The following WIZ variants were observed in gnomAD, a reference collection of about 807,000 sequenced individuals.
The protein encoded by WIZ is protein Wiz.
WIZ carries 25 observed loss-of-function variants against 140.2 expected under a neutral mutation model. That is an observed-to-expected ratio of 0.18 (90% CI 0.13 to 0.25). The LOEUF (loss-of-function observed/expected upper bound fraction) is 0.25, where lower values mean the gene tolerates loss of function less well. WIZ is among the 10% of genes least tolerant of loss of function. The pLI is 1.00. For synonymous variants in WIZ, 1,125 were observed against 1,154.3 expected (o/e 0.97, Z 0.51); for missense variants, 2,231 against 2,632.6 (o/e 0.85, Z 3.34).
At chr19:15,431,893 G>A (rs1326472550) in intron 5 of WIZ, among the ~76,000 whole-genome samples, 2 of 152,246 alleles carry the variant, frequency 1.3e-5, no homozygotes, top group African/African-American at 4.8e-5. Context: ...TTCACGTCTA[G>A]TTGTTCAAAG....
Position 15,430,896 on chromosome 19 carries a change from C to G in WIZ, c.2911+116G>C, listed in dbSNP as rs532734874. The G allele has an allele frequency of 7.6e-6, 10 of 1,322,676 alleles. No homozygotes were observed. The African/African-American group carries it at 1.5e-4, about 20-fold the overall frequency. The allele number at this position is 1,322,676 out of a possible 1,614,324, so 81.9% of individuals were successfully genotyped here. Reference sequence around the variant, plus strand: ...TGCCAACCTTGGTGCCTCAAGGTGCCAGAGGGAAAACTGCGGGCAACCTTG... The same window carrying G: ...TGCCAACCTTGGTGCCTCAAGGTGCGAGAGGGAAAACTGCGGGCAACCTTG... On this transcript the variant is annotated intron_variant, in intron 6 of 12. Transcript: ENST00000673675.
intron 9 of WIZ, among the ~76,000 whole-genome samples, chr19:15,426,616 G>T (rs527401836): frequency 6.6e-6 from 1 of 152,322 alleles, no homozygotes; most frequent in African/African-American, 2.4e-5. Context: ...GAAAGACACA[G>T]TTCAGACGTT....
In WIZ at chr19:15,440,852, A is replaced by G; in HGVS notation, c.279-137T>C. On this transcript the variant is annotated intron_variant, in intron 3 of 12. Transcript: ENST00000673675. The surrounding 1 kb of genome is among the most constrained non-coding windows in gnomAD (Gnocchi z 6.2). Reference sequence around the variant, plus strand: ...CGAGGGTGACAGGGGTGTGGGGGTGAGGGTGGGAGGTAGGGGGAGTCCACG... The same window carrying G: ...CGAGGGTGACAGGGGTGTGGGGGTGGGGGTGGGAGGTAGGGGGAGTCCACG... The G allele has an allele frequency of 4.7e-6, 2 of 424,424 alleles. No homozygotes were observed. The highest frequency in any genetic ancestry group is 8.3e-6 in the Non-Finnish European group (2 of 241,196). The allele number at this position is 424,424 out of a possible 1,614,324, so 26.3% of individuals were successfully genotyped here. A position where few individuals can be genotyped will look rare whatever the true frequency, so the allele number is the denominator to read the frequency against.
At chr19:15,429,484 G>GCCCCCCCC in intron 7 of WIZ, 102 bp downstream of exon 7, 8 of 319,046 alleles carry the variant, frequency 2.5e-5, no homozygotes, top group East Asian at 1.3e-4. Context: ...AGTCCCCACC[G>GCCCCCCCC]CCCCCACCCA....
chr19:15,449,320 C>T (rs1437187548), intron 1 of WIZ: 1 of 152,206 alleles, frequency 6.6e-6, no homozygotes, highest in Non-Finnish European at 1.5e-5. Flanking sequence ...CCAGGGGGCT[C>T]CTCCGTGGGC....
chr19:15,428,297 C>T lies in WIZ; in HGVS notation c.3627G>A (p.Leu1209=). The T allele has an allele frequency of 6.5e-7, 1 of 1,531,622 alleles. No individual in the cohort carries two copies. Among genetic ancestry groups the T allele is most frequent in the Non-Finnish European group, 8.7e-7 (1 of 1,145,112 alleles). 94.9% of individuals were successfully genotyped at this position (1,531,622 alleles called of 1,614,324 possible). A position where few individuals can be genotyped will look rare whatever the true frequency, so the allele number is the denominator to read the frequency against. Reference sequence around the variant, plus strand: ...TGGGAGGCGGCCGCCCCGGGTGGGCCAGGGCGCCGCGCCTGGGTGGGAGGC... The same window carrying T: ...TGGGAGGCGGCCGCCCCGGGTGGGCTAGGGCGCCGCGCCTGGGTGGGAGGC... ...QIRLPPRRGA[L]AHPGRPPPTS... is the part of the protein sequence containing the mutation. The change falls in exon 8 of 13, where the codon CTG becomes CTA. Residue 1209 remains leucine (L), a synonymous_variant. Transcript: ENST00000673675. The surrounding 1 kb of genome is among the most constrained non-coding windows in gnomAD (Gnocchi z 6.4).
chr19:15,426,163 C>T (rs1237097298), intron 9 of WIZ, among the ~76,000 whole-genome samples: 8 of 151,884 alleles, frequency 5.3e-5, no homozygotes, highest in South Asian at 2.1e-4. Context: ...CTGTTTCCTC[C>T]GCTGCAAAAT....
At chr19:15,426,515 C>A (rs1365424390) in intron 9 of WIZ, among the ~76,000 whole-genome samples, 2 of 152,156 alleles carry the variant, frequency 1.3e-5, no homozygotes, top group Non-Finnish European at 2.9e-5. Context: ...GGAAACTTGC[C>A]CAAGGTCACA....
chr19:15,435,986 G>A (rs1734266828), intron 5 of WIZ, among the ~76,000 whole-genome samples: 1 of 152,096 alleles, frequency 6.6e-6, no homozygotes, highest in African/African-American at 2.4e-5. Flanking sequence ...AGCTGGGCGT[G>A]GTGATGAGCG....
Position 15,424,851 on chromosome 19 carries a change from G to A in WIZ, c.5076C>T (p.Ser1692=). ...HRPQKVGAYR[S]YIQGGRPFTK... ...TGAAGGGGCGGCCGCCCTGGATGTA[G>A]CTGCGGTAGGCGCCCACCTTCTGGG... is the stretch of plus-strand genomic sequence containing the variant. Residue 1692 remains serine, a synonymous_variant, in exon 11 of 13, where the codon AGC becomes AGT. Coordinates refer to ENST00000673675, the MANE Select transcript of WIZ (RefSeq NM_001371589.1). This position sits in a 1 kb window ranked among gnomAD's most constrained non-coding sequence, Gnocchi z 9.7. The A allele has an allele frequency of 1.2e-6, 2 of 1,610,950 alleles. No individual in the cohort carries two copies. Among genetic ancestry groups the A allele is most frequent in the Non-Finnish European group, 8.5e-7 (1 of 1,179,362 alleles).
Position 15,424,435 on chromosome 19 carries a change from G to A in WIZ, c.5315-57C>T, listed in dbSNP as rs1216683550. The A allele has an allele frequency of 3.8e-6, 6 of 1,574,220 alleles. No individual in the cohort carries two copies. The highest frequency in any genetic ancestry group is 5.2e-6 in the Non-Finnish European group (6 of 1,162,726). On this transcript the variant is annotated intron_variant, in intron 11 of 12. Transcript: ENST00000673675. This position sits in a 1 kb window ranked among gnomAD's most constrained non-coding sequence, Gnocchi z 9.7. ...GGAGGGGTGGATGCTGCAGAGACTT[G>A]GAATACACAAGAGCTGAGGACTGAT...
At position 15,425,479 on chromosome 19, in the gene WIZ, C is replaced by T. The variant is rs745621092; in HGVS notation, c.4656G>A (p.Ser1552=). 1.2e-6 allele frequency: 2 copies of T among 1,603,390 alleles called. No homozygotes were observed. The highest frequency in any genetic ancestry group is 1.1e-5 in the South Asian group (1 of 90,102). The change falls in exon 10 of 13, where the codon TCG becomes TCA. Residue 1552 remains serine (S), a synonymous_variant. Coordinates refer to ENST00000673675, the MANE Select transcript of WIZ (RefSeq NM_001371589.1). ...PGPVQSPLPL[S]PLAGRPGKPG... is the part of the protein sequence containing the mutation. ...GTTTGCCTGGCCGGCCAGCCAGGGG[C>T]GACAGCGGCAGTGGGGACTGCACGG...
chr19:15,449,076 T>C (rs930140366), intron 1 of WIZ, among the ~76,000 whole-genome samples: 7 of 151,462 alleles, frequency 4.6e-5, no homozygotes, highest in African/African-American at 1.7e-4. Context: ...CCAAGATTGC[T>C]CTAGTCCTCG....
At chr19:15,446,675 C>A (rs1568316567) in intron 2 of WIZ, among the ~76,000 whole-genome samples, 1 of 152,206 alleles carries the variant, frequency 6.6e-6, no homozygotes, top group Non-Finnish European at 1.5e-5. Context: ...CTCTCACTTC[C>A]TGCAGGAACT....
In WIZ at chr19:15,442,681, G is replaced by A; in HGVS notation, c.273C>T (p.Ser91=). 2 of 1,232,624 alleles carry A rather than the reference G, an allele frequency of 1.6e-6. No individual in the cohort carries two copies. The highest frequency in any genetic ancestry group is 2.0e-6 in the Non-Finnish European group (2 of 988,332). The allele number at this position is 1,232,624 out of a possible 1,614,324, so 76.4% of individuals were successfully genotyped here. Reference sequence around the variant, plus strand: ...AGGGCCAGCATGGCACTCACCAGCTGCTGATCCGATGGGTGGCGGAGGTGA... The same window carrying A: ...AGGGCCAGCATGGCACTCACCAGCTACTGATCCGATGGGTGGCGGAGGTGA... ...PRVTSATHRI[S]SCCWDGGSLD... is the part of the protein sequence containing the mutation. The change falls in exon 3 of 13, where the codon AGC becomes AGT. Residue 91 remains serine (S), a synonymous_variant. Transcript: ENST00000673675. The surrounding 1 kb of genome is among the most constrained non-coding windows in gnomAD (Gnocchi z 5.5).
rs753722714 is a variant in WIZ at position 15,425,793 on chromosome 19, A to AAGGAGG, written c.4367-31_4367-26dup. 1.3e-5 allele frequency: 14 copies of AAGGAGG among 1,050,894 alleles called. 2 individuals are homozygous for AAGGAGG. The African/African-American group carries it at 4.0e-4, about 30-fold the overall frequency. 65.1% of individuals were successfully genotyped at this position (1,050,894 alleles called of 1,614,324 possible). On this transcript the variant is annotated intron_variant, in intron 9 of 12. Coordinates refer to ENST00000673675, the MANE Select transcript of WIZ (RefSeq NM_001371589.1). ...GCTGCAGGGGATCCAGGGTAGGGGG[A>AAGGAGG]AGGAGGAGGAGGAGGAGGAGGAGGG...
At position 15,423,140 on chromosome 19, in the gene WIZ, G is replaced by T; in HGVS notation, c.5606C>A (p.Ala1869Glu). ...CTGGGACTCCTCAGGTGGGGGGTCC[G>T]CTTTGGAGAAGTTCATCTCCAGGAT... ...RHILEMNFSKADPPPEESQAP... is the reference protein window; with the variant it reads ...RHILEMNFSKEDPPPEESQAP... Residue 1869 changes from alanine (A) to glutamate (E), a missense_variant, in exon 13 of 13, where the codon GCG becomes GAG. By Grantham distance (107) the Ala-to-Glu change is moderately radical. Coordinates refer to ENST00000673675, the MANE Select transcript of WIZ (RefSeq NM_001371589.1). 6.2e-7 allele frequency: 1 copy of T among 1,612,936 alleles called. No homozygotes were observed. Among genetic ancestry groups the T allele is most frequent in the Non-Finnish European group, 8.5e-7 (1 of 1,179,912 alleles).
chr19:15,429,741 C>T lies in WIZ; in HGVS notation c.3260G>A (p.Ser1087Asn). The change falls in exon 7 of 13, where the codon AGC (serine) becomes AAC (asparagine). Residue 1087 changes from serine to asparagine, a missense_variant. Physicochemically the swap from Ser to Asn is conservative, Grantham distance 46. This residue lies in a region of WIZ where 163 missense variants were observed against 166.8 expected (regional missense o/e 0.98). Coordinates refer to ENST00000673675, the MANE Select transcript of WIZ (RefSeq NM_001371589.1). Reference protein sequence around the residue: ...FSAKGLGHPPSSPLLKKTPLA... With the variant: ...FSAKGLGHPPNSPLLKKTPLA... The stretch of plus-strand genomic sequence containing the variant: ...TGGTGTCTTTTTGAGGAGTGGAGAG[C>T]TGGGCGGGTGGCCCAGGCCCTTGGC... 6.8e-7 allele frequency: 1 copy of T among 1,479,998 alleles called. No individual in the cohort carries two copies. Among genetic ancestry groups the T allele is most frequent in the Non-Finnish European group, 8.9e-7 (1 of 1,118,252 alleles). The allele number at this position is 1,479,998 out of a possible 1,614,324, so 91.7% of individuals were successfully genotyped here.
chr19:15,439,177 A>G lies in WIZ; in HGVS notation c.1817T>C (p.Leu606Pro). The stretch of plus-strand genomic sequence containing the variant: ...GCTCCAAGGGCGCCTCCGTTCCCCC[A>G]GCCCTTGTGGGTGGACGGTGCTTTT... ...RNKSTVHPQGLGERRRPWSEE... is the reference protein window; with the variant it reads ...RNKSTVHPQGPGERRRPWSEE... Residue 606 changes from leucine (L) to proline (P), a missense_variant, in exon 4 of 13, where the codon CTG becomes CCG. By Grantham distance (98) the Leu-to-Pro change is moderately conservative. Around this residue, in one of 15 missense-constraint regions of WIZ, gnomAD observed 475 missense variants for 520.2 expected, o/e 0.91. Coordinates refer to ENST00000673675, the MANE Select transcript of WIZ (RefSeq NM_001371589.1). This position sits in a 1 kb window ranked among gnomAD's most constrained non-coding sequence, Gnocchi z 7.0. 3.3e-6 allele frequency: 5 copies of G among 1,534,396 alleles called. No individual in the cohort carries two copies. In the South Asian group the frequency reaches 3.6e-5, roughly 11 times the overall value.
Sources: gnomAD v4.1 joint callset for allele counts (sites outside exome capture counted in the v4.1 genomes callset) on GRCh38, gnomAD v4.1.1 for gene constraint, gnomAD v4.1.1 regional missense constraint, Gnocchi (gnomAD v3.1) non-coding constraint, MANE v1.5 for transcripts, NCBI Gene and HGNC (gene_info 2026-07-23, HGNC 2026-07-21) for gene names.